The following BMAL1 variants were observed in gnomAD, a reference collection of about 807,000 sequenced individuals.
BMAL1 encodes basic helix-loop-helix ARNT-like protein 1.
At chr11:13,317,132 T>G in the BMAL1 span, among the ~76,000 whole-genome samples, 419 of 152,318 alleles carry the variant, frequency 2.8e-3, 3 homozygotes, top group African/African-American at 9.0e-3. Flanking sequence ...TAACATTGTT[T>G]TTGTTTGTCA....
the BMAL1 span, among the ~76,000 whole-genome samples, chr11:13,351,411 G>A: frequency 6.6e-6 from 1 of 152,186 alleles, no homozygotes; most frequent in Admixed American, 6.5e-5. Context: ...GGATGTTTCA[G>A]TTTAACATCT....
At chr11:13,310,302 C>G in the BMAL1 span, among the ~76,000 whole-genome samples, 1 of 151,908 alleles carries the variant, frequency 6.6e-6, no homozygotes, top group South Asian at 2.1e-4. Flanking sequence ...ATGGATGCAG[C>G]GGGCCTTATG....
chr11:13,361,816 T>G, the BMAL1 span, among the ~76,000 whole-genome samples: 1 of 152,166 alleles, frequency 6.6e-6, no homozygotes, highest in East Asian at 1.9e-4. Context: ...GTTTCCTTAA[T>G]GTAGCCAGGT....
chr11:13,372,169 G>C, the BMAL1 span: 1 of 1,613,656 alleles, frequency 6.2e-7, no homozygotes, highest in Non-Finnish European at 8.5e-7. Context: ...CTAGCAGATC[G>C]AAAAAGCTTC....
the BMAL1 span, among the ~76,000 whole-genome samples, chr11:13,318,333 A>G: frequency 6.6e-6 from 1 of 152,238 alleles, no homozygotes; most frequent in East Asian, 1.9e-4. Flanking sequence ...GCTCTTTTGG[A>G]TTTAATAGAA....
At chr11:13,372,131 T>A in the BMAL1 span, 1 of 1,611,082 alleles carries the variant, frequency 6.2e-7, no homozygotes, top group African/African-American at 1.3e-5. Flanking sequence ...CCAAACCTAG[T>A]GCTGACACTA....
the BMAL1 span, among the ~76,000 whole-genome samples, chr11:13,377,484 C>T: frequency 6.6e-6 from 1 of 152,212 alleles, no homozygotes; most frequent in Non-Finnish European, 1.5e-5. Flanking sequence ...TTTCACCCTC[C>T]TCATCTGCTG....
chr11:13,347,761 G>C, the BMAL1 span, among the ~76,000 whole-genome samples: 2 of 152,146 alleles, frequency 1.3e-5, no homozygotes, highest in Non-Finnish European at 2.9e-5. Flanking sequence ...GAGGCAGGAG[G>C]ATAGTTTGAG....
chr11:13,315,910 G>T, the BMAL1 span, among the ~76,000 whole-genome samples: 1 of 152,184 alleles, frequency 6.6e-6, no homozygotes, highest in Admixed American at 6.5e-5. Flanking sequence ...CCTTTCTGGA[G>T]CTCACTGAGT....
chr11:13,374,283 C>A, the BMAL1 span: 2 of 1,303,204 alleles, frequency 1.5e-6, no homozygotes, highest in Admixed American at 1.7e-5. Flanking sequence ...CCAGGGAAAT[C>A]TGTCCACTGA....
the BMAL1 span, among the ~76,000 whole-genome samples, chr11:13,329,059 A>G: frequency 1.3e-5 from 2 of 152,190 alleles, no homozygotes; most frequent in African/African-American, 4.8e-5. Flanking sequence ...TCTAGTTGAT[A>G]TGGAACCAGT....
the BMAL1 span, among the ~76,000 whole-genome samples, chr11:13,324,443 T>C: frequency 6.6e-6 from 1 of 152,176 alleles, no homozygotes; most frequent in African/African-American, 2.4e-5. Flanking sequence ...CCTGAGCTGC[T>C]CTTCCCCAGA....
the BMAL1 span, among the ~76,000 whole-genome samples, chr11:13,367,426 C>T: frequency 2.0e-5 from 3 of 152,106 alleles, no homozygotes; most frequent in African/African-American, 7.2e-5. Flanking sequence ...TCTGGCTGGG[C>T]GCAGTGGCTC....
chr11:13,289,791 A>ATTTGGGTT, the BMAL1 span, among the ~76,000 whole-genome samples: 2 of 152,332 alleles, frequency 1.3e-5, no homozygotes, highest in East Asian at 3.9e-4. Context: ...ATTGATGGAC[A>ATTTGGGTT]TTTGGGTTGG....
At chr11:13,365,977 C>T in the BMAL1 span, among the ~76,000 whole-genome samples, 1 of 152,180 alleles carries the variant, frequency 6.6e-6, no homozygotes, top group African/African-American at 2.4e-5. Flanking sequence ...TGTGTCACTT[C>T]TTAGCTCTAT....
chr11:13,365,447 C>A, the BMAL1 span: 1 of 1,517,684 alleles, frequency 6.6e-7, no homozygotes. Context: ...AGGGTGATTA[C>A]AAATTATGTT....
chr11:13,375,778 A>G, the BMAL1 span: 2,198 of 1,533,178 alleles, frequency 1.4e-3, 4 homozygotes, highest in South Asian at 4.0e-3. Flanking sequence ...TACTTTTCCT[A>G]TATCTGAAGC....
the BMAL1 span, among the ~76,000 whole-genome samples, chr11:13,382,868 T>C: frequency 6.6e-6 from 1 of 152,138 alleles, no homozygotes; most frequent in African/African-American, 2.4e-5. Flanking sequence ...TTCCAATTCT[T>C]TTCACATCAA....
At chr11:13,377,041 G>C in the BMAL1 span, among the ~76,000 whole-genome samples, 1 of 152,146 alleles carries the variant, frequency 6.6e-6, no homozygotes, top group Non-Finnish European at 1.5e-5. Flanking sequence ...GATGTGAAGT[G>C]CTCTTTCGTG....
Sources: allele counts gnomAD v4.1 joint callset (sites outside exome capture counted in the v4.1 genomes callset), GRCh38; gene constraint gnomAD v4.1.1; transcripts MANE v1.5; gene names NCBI Gene and HGNC (gene_info 2026-07-23, HGNC 2026-07-21).